The following TESK2 variants were observed in gnomAD, a reference collection of about 807,000 sequenced individuals.
The protein encoded by TESK2 is dual specificity testis-specific protein kinase 2.
TESK2 carries 39 observed loss-of-function variants against 57.1 expected under a neutral mutation model. The observed-to-expected ratio is 0.68, with a 90% CI of 0.53 to 0.89. The LOEUF (loss-of-function observed/expected upper bound fraction) is 0.89. TESK2 is among the 40% of genes least tolerant of loss of function. The probability of loss-of-function intolerance (pLI) is 0.00; values close to 1 mark genes in which losing one functional copy is unlikely to be tolerated. For synonymous variants in TESK2, 249 were observed against 267.9 expected (o/e 0.93, Z 0.69); for missense variants, 646 against 732.1 (o/e 0.88, Z 1.36).
At position 45,347,597 on chromosome 1, in the gene TESK2, C is replaced by T; in HGVS notation, c.708+12G>A. On this transcript the variant is annotated intron_variant, in intron 7 of 10. Transcript: ENST00000372086. Reference sequence around the variant, plus strand: ...AAAAGGAGAATCAGGCCTTGAGATCCTCCAAACTTACCTTTTCATTATAGG... The same window carrying T: ...AAAAGGAGAATCAGGCCTTGAGATCTTCCAAACTTACCTTTTCATTATAGG... 4 of 1,612,290 alleles carry T rather than the reference C, an allele frequency of 2.5e-6. No individual in the cohort carries two copies. Among genetic ancestry groups the T allele is most frequent in the Non-Finnish European group, 3.4e-6 (4 of 1,179,100 alleles).
intron 1 of TESK2, among the ~76,000 whole-genome samples, chr1:45,472,796 C>T (rs1652820180): frequency 1.3e-5 from 2 of 151,840 alleles, no homozygotes; most frequent in African/African-American, 2.4e-5. Context: ...GTTGGAGACA[C>T]CATACTGGAG....
chr1:45,422,506 C>T (rs1313745317), intron 2 of TESK2, among the ~76,000 whole-genome samples: 1 of 152,104 alleles, frequency 6.6e-6, no homozygotes, highest in Non-Finnish European at 1.5e-5. Flanking sequence ...TGTAGTGGCA[C>T]AATCTCGGCT....
intron 1 of TESK2, among the ~76,000 whole-genome samples, chr1:45,463,014 T>C (rs1347780401): frequency 6.6e-6 from 1 of 152,228 alleles, no homozygotes; most frequent in Non-Finnish European, 1.5e-5. Flanking sequence ...ATAGATCTGT[T>C]TGCCATTTGT....
chr1:45,383,925 T>C (rs940626481), intron 4 of TESK2, among the ~76,000 whole-genome samples: 20 of 152,172 alleles, frequency 1.3e-4, no homozygotes, highest in Non-Finnish European at 1.8e-4. Flanking sequence ...TTTTCTGATA[T>C]GTTATACTTC....
intron 1 of TESK2, among the ~76,000 whole-genome samples, chr1:45,485,168 A>AT (rs1348775809): frequency 4.8e-4 from 73 of 151,234 alleles, no homozygotes; most frequent in Non-Finnish European, 1.0e-4. Flanking sequence ...TGGAAGTAAG[A>AT]TTTTTCACTG....
intron 1 of TESK2, among the ~76,000 whole-genome samples, chr1:45,490,044 G>A (rs1395430397): frequency 6.6e-6 from 1 of 152,024 alleles, no homozygotes; most frequent in Admixed American, 6.6e-5. Context: ...ATTCCCTCCC[G>A]CCTGGATGAG....
intron 1 of TESK2, among the ~76,000 whole-genome samples, chr1:45,487,052 C>T (rs1370832198): frequency 2.0e-5 from 3 of 151,918 alleles, no homozygotes; most frequent in Non-Finnish European, 4.4e-5. Flanking sequence ...TAGTCTCGAA[C>T]TCCTGACCTC....
intron 1 of TESK2, among the ~76,000 whole-genome samples, chr1:45,485,191 T>G (rs1043605282): frequency 1.6e-5 from 2 of 128,286 alleles, no homozygotes; most frequent in African/African-American, 5.1e-5. Context: ...TTGTTTTTTG[T>G]TTTTTGTTTT....
intron 4 of TESK2, among the ~76,000 whole-genome samples, chr1:45,380,450 C>T (rs185897523): frequency 6.6e-5 from 10 of 152,224 alleles, no homozygotes; most frequent in African/African-American, 2.2e-4. Context: ...AAGGAAAAAG[C>T]GCTTTGAGAT....
At chr1:45,413,884 C>T in intron 3 of TESK2, 1 of 455,392 alleles carries the variant, frequency 2.2e-6, no homozygotes, top group East Asian at 6.9e-5. Context: ...TAAAAGAAAG[C>T]TTATAATGTT....
intron 4 of TESK2, among the ~76,000 whole-genome samples, chr1:45,381,860 CTTTTTTT>C (rs748886310): frequency 1.1e-5 from 1 of 91,926 alleles, no homozygotes; most frequent in African/African-American, 4.1e-5. Context: ...CATTCCTATT[CTTTTTTT>C]TTTTTTTTTT....
chr1:45,465,436 GAA>G (rs1011148403), intron 1 of TESK2, among the ~76,000 whole-genome samples: 13 of 129,506 alleles, frequency 1.0e-4, no homozygotes, highest in East Asian at 2.2e-4. Context: ...GAGAGAGAGA[GAA>G]AGAGAAAAGA....
intron 4 of TESK2, among the ~76,000 whole-genome samples, chr1:45,385,033 C>A (rs560497255): frequency 1.3e-5 from 2 of 152,250 alleles, no homozygotes; most frequent in African/African-American, 4.8e-5. Flanking sequence ...CAGTAAAAAA[C>A]CAACACTCTT....
intron 2 of TESK2, among the ~76,000 whole-genome samples, chr1:45,423,782 C>T (rs1301821435): frequency 6.6e-6 from 1 of 152,102 alleles, no homozygotes; most frequent in Non-Finnish European, 1.5e-5. Context: ...CTCTATAGAA[C>T]TCAATCTATT....
At chr1:45,483,851 G>C (rs1653340133) in intron 1 of TESK2, among the ~76,000 whole-genome samples, 2 of 151,344 alleles carry the variant, frequency 1.3e-5, no homozygotes, top group Admixed American at 6.6e-5. Context: ...AAAAAAATTA[G>C]CCAGGCATGG....
intron 2 of TESK2, among the ~76,000 whole-genome samples, chr1:45,448,091 A>C (rs566659818): frequency 1.6e-4 from 24 of 150,362 alleles, no homozygotes; most frequent in Non-Finnish European, 3.1e-4. Context: ...TACAAAAATT[A>C]GCCAAGCATG....
intron 3 of TESK2, among the ~76,000 whole-genome samples, chr1:45,402,048 C>T (rs2149280504): frequency 6.7e-6 from 1 of 149,028 alleles, no homozygotes; most frequent in South Asian, 2.1e-4. Context: ...AAAAGGCCTA[C>T]ATCTAAAACA....
At chr1:45,359,061 C>T (rs947645761) in intron 4 of TESK2, among the ~76,000 whole-genome samples, 1 of 152,176 alleles carries the variant, frequency 6.6e-6, no homozygotes, top group African/African-American at 2.4e-5. Context: ...TTTTTGGGTA[C>T]CATTGCATTT....
intron 1 of TESK2, among the ~76,000 whole-genome samples, chr1:45,461,073 C>T (rs562666114): frequency 6.6e-6 from 1 of 152,004 alleles, no homozygotes; most frequent in East Asian, 1.9e-4. Context: ...ATTGCCCAGG[C>T]TGGTCTTGAA....
Sources: allele counts gnomAD v4.1 joint callset (sites outside exome capture counted in the v4.1 genomes callset), GRCh38; gene constraint gnomAD v4.1.1; transcripts MANE v1.5; gene names NCBI Gene and HGNC (gene_info 2026-07-23, HGNC 2026-07-21).